TRABD2B: variants seen among roughly 807,000 people sequenced by gnomAD.
TRABD2B encodes the protein metalloprotease TIKI2.
In TRABD2B, 14 loss-of-function variants were observed where a neutral mutation model predicts 40.1. The observed-to-expected ratio is 0.35, with a 90% CI of 0.23 to 0.55. TRABD2B has a LOEUF of 0.55. TRABD2B is among the 20% of genes least tolerant of loss of function. The probability of loss-of-function intolerance (pLI) is 0.90; values close to 1 mark genes in which losing one functional copy is unlikely to be tolerated. For missense variants in TRABD2B, 541 were observed against 648.6 expected (o/e 0.83, Z 1.80); for synonymous variants, 263 against 277.0 (o/e 0.95, Z 0.50).
chr1:47,825,015 A>G (rs1645156798), intron 2 of TRABD2B, among the ~76,000 whole-genome samples: 1 of 152,146 alleles, frequency 6.6e-6, no homozygotes, highest in African/African-American at 2.4e-5. Context: ...CGCCAGCCCA[A>G]TTTTACCCAC....
At position 47,765,894 on chromosome 1, in the gene TRABD2B, G is replaced by T; in HGVS notation, c.*8C>A. 1 of 702,972 alleles carries T rather than the reference G, an allele frequency of 1.4e-6. No individual in the cohort carries two copies. The highest frequency in any genetic ancestry group is 2.6e-6 in the Non-Finnish European group (1 of 384,962). The allele number at this position is 702,972 out of a possible 1,614,324, so 43.5% of individuals were successfully genotyped here. On this transcript the variant is annotated 3_prime_UTR_variant, in exon 7 of 7. Transcript: ENST00000606738. ...TTTCTCTGGCTTCTCCACTTGGGGT[G>T]GCCGAGGTCAGGAGGGCCCAAGGCT...
At chr1:47,789,144 G>A (rs192973790) in intron 4 of TRABD2B, among the ~76,000 whole-genome samples, 8 of 152,258 alleles carry the variant, frequency 5.3e-5, no homozygotes, top group Admixed American at 2.6e-4. Flanking sequence ...ATTCTGAGGC[G>A]TATGTGCCCT....
At chr1:47,898,598 C>A (rs927416006) in intron 2 of TRABD2B, among the ~76,000 whole-genome samples, 1 of 152,184 alleles carries the variant, frequency 6.6e-6, no homozygotes, top group Non-Finnish European at 1.5e-5. Context: ...ACTCCCTTAT[C>A]TACAATTCTG....
chr1:47,972,646 C>G (rs754953501), intron 2 of TRABD2B, among the ~76,000 whole-genome samples: 1 of 152,204 alleles, frequency 6.6e-6, no homozygotes, highest in Non-Finnish European at 1.5e-5. Context: ...GCCTCTAGAA[C>G]TGTGAGAATT....
intron 2 of TRABD2B, among the ~76,000 whole-genome samples, chr1:47,848,954 T>C (rs1325858886): frequency 1.3e-5 from 2 of 152,244 alleles, no homozygotes; most frequent in African/African-American, 2.4e-5. Context: ...CCTTCATCCC[T>C]GTGGGTCCCC....
intron 2 of TRABD2B, among the ~76,000 whole-genome samples, chr1:47,812,651 C>T (rs751079814): frequency 2.6e-5 from 4 of 152,136 alleles, no homozygotes; most frequent in East Asian, 1.9e-4. Context: ...GCCAGGAGTT[C>T]AAGGCTGCAG....
rs1344930788 is a variant in TRABD2B, at chr1:47,801,634, G to GA, written c.667-16dup. On this transcript the variant is annotated splice_polypyrimidine_tract_variant and intron_variant, in intron 2 of 6. Transcript: ENST00000606738. ...GCAAACAGCACCTGGGCCGAGGAAA[G>GA]AGAGAGGAATGAGGGCTGTGCTCAG... is the stretch of plus-strand genomic sequence containing the variant. The GA allele has an allele frequency of 6.5e-7, 1 of 1,534,960 alleles. No homozygotes were observed. The highest frequency in any genetic ancestry group is 8.7e-7 in the Non-Finnish European group (1 of 1,146,208).
At chr1:47,839,418 A>C (rs574384775) in intron 2 of TRABD2B, among the ~76,000 whole-genome samples, 1 of 152,258 alleles carries the variant, frequency 6.6e-6, no homozygotes, top group African/African-American at 2.4e-5. Context: ...CCAGTCCCCC[A>C]GTGAGACTGA....
chr1:47,784,442 C>G (rs1029449667), intron 4 of TRABD2B, among the ~76,000 whole-genome samples: 2 of 152,114 alleles, frequency 1.3e-5, no homozygotes, highest in African/African-American at 4.8e-5. Context: ...GAGGGGAGAA[C>G]CAGATGTTCC....
At chr1:47,899,982 G>C (rs1270479163) in intron 2 of TRABD2B, among the ~76,000 whole-genome samples, 1 of 152,202 alleles carries the variant, frequency 6.6e-6, no homozygotes, top group Admixed American at 6.5e-5. Flanking sequence ...CAAAGGCCCA[G>C]CCAGCTATTT....
intron 2 of TRABD2B, among the ~76,000 whole-genome samples, chr1:47,885,688 G>C (rs911984882): frequency 6.6e-6 from 1 of 152,088 alleles, no homozygotes; most frequent in African/African-American, 2.4e-5. Context: ...CGGGACACTT[G>C]GAGGGCAGCA....
At chr1:47,766,672 G>A (rs1235865601) in intron 6 of TRABD2B, among the ~76,000 whole-genome samples, 1 of 152,176 alleles carries the variant, frequency 6.6e-6, no homozygotes, top group African/African-American at 2.4e-5. Context: ...TTCCATGAAT[G>A]AGAAAACTGA....
chr1:47,947,461 T>A (rs1320215135), intron 2 of TRABD2B, among the ~76,000 whole-genome samples: 1 of 152,026 alleles, frequency 6.6e-6, no homozygotes, highest in East Asian at 1.9e-4. Context: ...ATATAACTCA[T>A]ACAAAGCAGC....
At chr1:47,955,335 G>T (rs763729007) in intron 2 of TRABD2B, among the ~76,000 whole-genome samples, 1 of 151,918 alleles carries the variant, frequency 6.6e-6, no homozygotes, top group African/African-American at 2.4e-5. Flanking sequence ...CCCAAATCCC[G>T]CCTGTTACTG....
Position 47,866,087 on chromosome 1 carries a change from A to G in TRABD2B, c.667-64468T>C, listed in dbSNP as rs1405291273. Among the ~76,000 whole-genome samples the G allele has an allele frequency of 3.3e-5, 5 of 152,018 alleles. No individual in the cohort carries two copies. In the East Asian group the frequency reaches 7.8e-4, roughly 24 times the overall value. ...ATCACAGGCCAAAGAGCGCATTTGC[A>G]CTGCCACTGTATTCTGCTCTGTGCG... On this transcript the variant is annotated intron_variant, in intron 2 of 6. Transcript: ENST00000606738.
intron 2 of TRABD2B, among the ~76,000 whole-genome samples, chr1:47,822,208 C>G (rs1446312393): frequency 2.6e-5 from 4 of 152,088 alleles, no homozygotes; most frequent in African/African-American, 9.7e-5. Context: ...CAGCTCACCC[C>G]CGAGGCCTGA....
chr1:47,889,010 A>G (rs560275549), intron 2 of TRABD2B, among the ~76,000 whole-genome samples: 55 of 152,228 alleles, frequency 3.6e-4, no homozygotes, highest in Non-Finnish European at 7.1e-4. Context: ...CCTTGCTTAC[A>G]CTGCACTCTC....
chr1:47,933,138 C>T (rs1187453304), intron 2 of TRABD2B, among the ~76,000 whole-genome samples: 4 of 149,138 alleles, frequency 2.7e-5, no homozygotes, highest in African/African-American at 7.5e-5. Context: ...CGCAGTCTCA[C>T]TTTGTTGTCC....
chr1:47,864,664 C>T (rs1644029070), intron 2 of TRABD2B, among the ~76,000 whole-genome samples: 1 of 152,128 alleles, frequency 6.6e-6, no homozygotes, highest in South Asian at 2.1e-4. Flanking sequence ...ACTTTTCCTT[C>T]TTCTGCATCA....
Sources: allele counts gnomAD v4.1 joint callset (sites outside exome capture counted in the v4.1 genomes callset), GRCh38; gene constraint gnomAD v4.1.1; transcripts MANE v1.5; gene names NCBI Gene and HGNC (gene_info 2026-07-23, HGNC 2026-07-21).